The following IQSEC1 variants were observed in gnomAD, a reference collection of about 807,000 sequenced individuals.
IQSEC1 encodes the protein IQ motif and Sec7 domain ArfGEF 1.
IQSEC1 carries 31 observed loss-of-function variants against 91.0 expected under a neutral mutation model. The observed-to-expected ratio is 0.34, with a 90% CI of 0.26 to 0.46. The LOEUF is 0.46. IQSEC1 is among the 20% of genes least tolerant of loss of function. The pLI is 1.00. For missense variants in IQSEC1, 1,388 were observed against 1,575.6 expected (o/e 0.88, Z 2.02); for synonymous variants, 699 against 662.6 (o/e 1.05, Z -0.84).
intron 12 of IQSEC1, among the ~76,000 whole-genome samples, chr3:12,904,273 G>C: frequency 6.6e-6 from 1 of 152,206 alleles, no homozygotes. Flanking sequence ...CCCCAAACCA[G>C]AGGTCCAGGT....
chr3:13,022,989 A>G (rs773330770), intron 1 of IQSEC1, among the ~76,000 whole-genome samples: 9 of 152,220 alleles, frequency 5.9e-5, no homozygotes, highest in Non-Finnish European at 1.0e-4. Context: ...TCCTCAGGCC[A>G]AGAACTAACT....
intron 2 of IQSEC1, among the ~76,000 whole-genome samples, chr3:13,112,603 G>C (rs1295078316): frequency 6.6e-6 from 1 of 152,260 alleles, no homozygotes; most frequent in Non-Finnish European, 1.5e-5. Flanking sequence ...AGGCACCTCT[G>C]AGCACCTGCC....
At chr3:12,985,101 G>A (rs557088189) in intron 1 of IQSEC1, among the ~76,000 whole-genome samples, 1 of 152,330 alleles carries the variant, frequency 6.6e-6, no homozygotes, top group South Asian at 2.1e-4. Flanking sequence ...TGGGATTACA[G>A]GCGTGAGCCA....
intron 1 of IQSEC1, among the ~76,000 whole-genome samples, chr3:13,000,091 C>G (rs1702361651): frequency 6.6e-6 from 1 of 152,132 alleles, no homozygotes; most frequent in Non-Finnish European, 1.5e-5. Flanking sequence ...CATACTATTC[C>G]CTTGGTTTCC....
intron 2 of IQSEC1, among the ~76,000 whole-genome samples, chr3:13,081,775 G>T (rs1430365638): frequency 1.3e-5 from 2 of 152,200 alleles, no homozygotes; most frequent in Admixed American, 6.5e-5. Flanking sequence ...CTCCGACACC[G>T]CCTGGCCCAG....
chr3:13,099,846 C>T (rs775255556), intron 2 of IQSEC1, among the ~76,000 whole-genome samples: 1 of 149,930 alleles, frequency 6.7e-6, no homozygotes, highest in African/African-American at 2.5e-5. Flanking sequence ...CCTCAGCACC[C>T]CTGGCAGAGG....
intron 1 of IQSEC1, among the ~76,000 whole-genome samples, chr3:13,257,222 G>C (rs543133335): frequency 6.6e-6 from 1 of 152,124 alleles, no homozygotes. Flanking sequence ...CAGGACGAAC[G>C]TTTCCAAGTG....
chr3:13,060,718 C>G (rs1328446865), intron 1 of IQSEC1, among the ~76,000 whole-genome samples: 2 of 152,178 alleles, frequency 1.3e-5, no homozygotes, highest in Non-Finnish European at 2.9e-5. Flanking sequence ...CAGCCCTGCC[C>G]CCGGCGGGGC....
At position 13,046,367 on chromosome 3, in the gene IQSEC1, C is replaced by T. The variant is rs563156412; in HGVS notation, c.23+26625G>A. ...CTTGGCTGTGTCCTCCAGGAGCGCA[C>T]GCGGCGGGGCTGCCAGTCCCTAGCT... On this transcript the variant is annotated intron_variant, in intron 1 of 13. Transcript: ENST00000613206. Among the ~76,000 whole-genome samples the T allele has an allele frequency of 6.9e-4, 105 of 152,342 alleles. 1 individual carries two copies. The highest frequency in any genetic ancestry group is 2.4e-3 in the African/African-American group (100 of 41,574).
chr3:13,054,798 C>A (rs1302332471), intron 1 of IQSEC1, among the ~76,000 whole-genome samples: 2 of 152,212 alleles, frequency 1.3e-5, no homozygotes, highest in Non-Finnish European at 2.9e-5. Context: ...ACGGTGGGAC[C>A]CCAGGAGCCA....
intron 2 of IQSEC1, among the ~76,000 whole-genome samples, chr3:13,140,508 C>T (rs536294294): frequency 2.0e-5 from 3 of 152,318 alleles, no homozygotes; most frequent in African/African-American, 7.2e-5. Context: ...AAGCTGGGAT[C>T]TCACTGGTGA....
intron 1 of IQSEC1, chr3:13,053,052 G>A (rs1704747469): frequency 1.8e-6 from 2 of 1,093,790 alleles, no homozygotes; most frequent in Non-Finnish European, 2.8e-6. Flanking sequence ...AATCCACGGG[G>A]GAATGGGACG....
rs1403616780 is a variant in IQSEC1 at position 12,922,392 on chromosome 3, C to A, written c.1731-150G>T. Reference sequence around the variant, plus strand: ...CTGACTCCGACCAATCAGCCAAGAGCCCTCAGAATGCAGCAAAAAGACCTC... The same window carrying A: ...CTGACTCCGACCAATCAGCCAAGAGACCTCAGAATGCAGCAAAAAGACCTC... On this transcript the variant is annotated intron_variant, in intron 4 of 13. Transcript: ENST00000613206. The surrounding 1 kb of genome is among the most constrained non-coding windows in gnomAD (Gnocchi z 5.1). 1.0e-6 allele frequency: 1 copy of A among 985,788 alleles called. No homozygotes were observed. The allele number at this position is 985,788 out of a possible 1,614,324, so 61.1% of individuals were successfully genotyped here.
In IQSEC1 at chr3:13,269,358, C is replaced by G. The variant is rs577265886; in HGVS notation, c.272+13353G>C. On this transcript the variant is annotated intron_variant, in intron 1 of 15. Transcript: ENST00000648114. ...ACTGCAGGGATGATTTTCTCCAGAC[C>G]CCCTTTCCCTCTCTGGATGTTTTGG... is the stretch of plus-strand genomic sequence containing the variant. 1.2e-3 allele frequency among the ~76,000 whole-genome samples: 189 copies of G among 152,336 alleles called. 6 individuals carry two copies. The South Asian group carries it at 0.039, about 31-fold the overall frequency.
At chr3:13,119,801 C>A (rs1200854021) in intron 2 of IQSEC1, among the ~76,000 whole-genome samples, 4 of 151,166 alleles carry the variant, frequency 2.6e-5, no homozygotes, top group African/African-American at 9.7e-5. Flanking sequence ...ATCTGGAAGC[C>A]CAGATAAGAT....
Position 12,901,444 on chromosome 3 carries a change from T to G in IQSEC1, c.2884A>C (p.Met962Leu). ...RECPSRPHQT[M>L]PNSSSLLGSL... is the part of the protein sequence containing the mutation. ...CCCAGGAGGGAAGATGAGTTGGGCA[T>G]AGTCTGGTGTGGGCGAGATGGACAC... is the stretch of plus-strand genomic sequence containing the variant. Residue 962 changes from methionine (M) to leucine (L), a missense_variant, in exon 14 of 14, where the codon ATG (methionine) becomes CTG (leucine). Met to Leu is a conservative substitution (Grantham distance 15). Transcript: ENST00000613206. 3 of 1,548,764 alleles carry G rather than the reference T, an allele frequency of 1.9e-6. No homozygotes were observed. The South Asian group carries it at 3.6e-5, about 18-fold the overall frequency.
chr3:13,132,892 C>G (rs1043912673), intron 2 of IQSEC1, among the ~76,000 whole-genome samples: 5 of 152,224 alleles, frequency 3.3e-5, no homozygotes, highest in Admixed American at 1.3e-4. Context: ...GTATCTCCCC[C>G]ACCACAACCC....
intron 2 of IQSEC1, among the ~76,000 whole-genome samples, chr3:13,110,853 C>T (rs1458664571): frequency 6.6e-6 from 1 of 152,078 alleles, no homozygotes; most frequent in Admixed American, 6.5e-5. Flanking sequence ...ATTAAAGGGC[C>T]GAAGTAAATG....
intron 2 of IQSEC1, among the ~76,000 whole-genome samples, chr3:13,150,358 T>G (rs1706975138): frequency 6.6e-6 from 1 of 152,238 alleles, no homozygotes; most frequent in African/African-American, 2.4e-5. Context: ...TTTGCCTTCA[T>G]TCTGCAAAGG....
Sources: gnomAD v4.1 joint callset for allele counts (sites outside exome capture counted in the v4.1 genomes callset) on GRCh38, gnomAD v4.1.1 for gene constraint, Gnocchi (gnomAD v3.1) non-coding constraint, MANE v1.5 for transcripts, NCBI Gene and HGNC (gene_info 2026-07-23, HGNC 2026-07-21) for gene names.